The following PSTPIP1 variants were observed in gnomAD, a reference collection of about 807,000 sequenced individuals.
The protein encoded by PSTPIP1 is proline-serine-threonine phosphatase-interacting protein 1.
PSTPIP1 carries 66 observed loss-of-function variants against 69.6 expected under a neutral mutation model. The ratio of observed to expected loss-of-function variants is 0.95; its 90% CI spans 0.78 to 1.16. The LOEUF (loss-of-function observed/expected upper bound fraction) is 1.16, where lower values mean the gene tolerates loss of function less well. Ranked by LOEUF, PSTPIP1 falls within the 50% of genes most tolerant of loss-of-function variation. The probability of loss-of-function intolerance (pLI) is 0.00; values close to 1 mark genes in which losing one functional copy is unlikely to be tolerated. For synonymous variants in PSTPIP1, 266 were observed against 222.7 expected (o/e 1.19, Z -1.73); for missense variants, 603 against 557.4 (o/e 1.08, Z -0.82).
chr15:77,005,102 G>T (rs886645470), intron 1 of PSTPIP1, among the ~76,000 whole-genome samples: 7 of 152,122 alleles, frequency 4.6e-5, no homozygotes, highest in Non-Finnish European at 1.0e-4. Context: ...TACCATTGCT[G>T]GCCAAGCATG....
At position 77,031,035 on chromosome 15, in the gene PSTPIP1, G is replaced by A. The variant is rs542209542; in HGVS notation, c.643-145G>A. 198 of 748,996 alleles carry A rather than the reference G, an allele frequency of 2.6e-4. 4 individuals carry two copies. The East Asian group carries it at 5.4e-3, about 20-fold the overall frequency. 46.4% of individuals were successfully genotyped at this position (748,996 alleles called of 1,614,324 possible). A position where few individuals can be genotyped will look rare whatever the true frequency, so the allele number is the denominator to read the frequency against. The stretch of plus-strand genomic sequence containing the variant: ...AGGGCTGGCCCGGAGTCGGGATGGG[G>A]ACCCCAGGGCACTCTCTCCTTTGGA... On this transcript the variant is annotated intron_variant, in intron 9 of 14. Coordinates refer to ENST00000558012, the MANE Select transcript of PSTPIP1 (RefSeq NM_003978.5).
intron 1 of PSTPIP1, among the ~76,000 whole-genome samples, 154 bp downstream of exon 1, chr15:76,995,763 C>T (rs1020055845): frequency 6.6e-6 from 1 of 152,206 alleles, no homozygotes; most frequent in Admixed American, 6.5e-5. Context: ...GTGGCCCAGG[C>T]CCCCACCCCT....
In PSTPIP1 at chr15:77,009,584, C is replaced by T. The variant is rs1006108273; in HGVS notation, c.37-8564C>T. Among the ~76,000 whole-genome samples the T allele has an allele frequency of 6.6e-5, 10 of 152,210 alleles. No individual in the cohort carries two copies. The South Asian group carries it at 1.0e-3, about 16-fold the overall frequency. ...GTAAACGCCCCTTCCCTGGGCTCCTCTCAGTTAACATGCATGAATCCCCTC... is the reference window on the plus strand; with the variant it reads ...GTAAACGCCCCTTCCCTGGGCTCCTTTCAGTTAACATGCATGAATCCCCTC... On this transcript the variant is annotated intron_variant, in intron 1 of 14. Coordinates refer to ENST00000558012, the MANE Select transcript of PSTPIP1 (RefSeq NM_003978.5).
chr15:77,004,780 A>T (rs997527714), intron 1 of PSTPIP1, among the ~76,000 whole-genome samples: 1 of 152,022 alleles, frequency 6.6e-6, no homozygotes, highest in Non-Finnish European at 1.5e-5. Flanking sequence ...GGGTCACTTG[A>T]GCCCAGGAGT....
intron 11 of PSTPIP1, 98 bp downstream of exon 11, chr15:77,032,492 C>T: frequency 1.5e-6 from 2 of 1,295,770 alleles, no homozygotes; most frequent in Non-Finnish European, 2.2e-6. Flanking sequence ...GCTGGGGTAG[C>T]TCACAGCTCC....
chr15:77,023,919 CAGAGA>C (rs1568506437), intron 3 of PSTPIP1: 3 of 152,324 alleles, frequency 2.0e-5, no homozygotes, highest in African/African-American at 7.2e-5. Context: ...GGTGAGGAGT[CAGAGA>C]AGAGTCCTGA....
Position 77,013,361 on chromosome 15 carries a change from C to A in PSTPIP1, c.37-4787C>A, listed in dbSNP as rs185059685. 7.9e-5 allele frequency among the ~76,000 whole-genome samples: 12 copies of A among 152,288 alleles called. No individual in the cohort carries two copies. In the East Asian group the frequency reaches 2.1e-3, roughly 27 times the overall value. The stretch of plus-strand genomic sequence containing the variant: ...GAACAGGGTCAGTTTCCTCCCTTGC[C>A]ATGGGGTACCCACACTGCACTGCCA... On this transcript the variant is annotated intron_variant, in intron 1 of 14. Coordinates refer to ENST00000558012, the MANE Select transcript of PSTPIP1 (RefSeq NM_003978.5).
chr15:77,034,489 G>T (rs368186167), intron 12 of PSTPIP1, among the ~76,000 whole-genome samples: 1 of 151,432 alleles, frequency 6.6e-6, no homozygotes, highest in African/African-American at 2.4e-5. Flanking sequence ...GCCCCCCACA[G>T]GCCCCTGAGT....
chr15:77,014,088 A>G (rs1339555039), intron 1 of PSTPIP1, among the ~76,000 whole-genome samples: 1 of 152,152 alleles, frequency 6.6e-6, no homozygotes, highest in Non-Finnish European at 1.5e-5. Context: ...GGGGCTTTGC[A>G]GAGAGGCAAA....
chr15:77,029,723 T>A, intron 8 of PSTPIP1, 149 bp downstream of exon 8: 1 of 989,360 alleles, frequency 1.0e-6, no homozygotes, highest in Non-Finnish European at 1.5e-6. Flanking sequence ...GCCGTCAAAG[T>A]AAACGCTGTG....
At chr15:77,003,621 A>C (rs1171845591) in intron 1 of PSTPIP1, among the ~76,000 whole-genome samples, 2 of 150,680 alleles carry the variant, frequency 1.3e-5, no homozygotes, top group African/African-American at 2.4e-5. Flanking sequence ...TCACAATTGC[A>C]CTCCAGCCTG....
At position 77,001,329 on chromosome 15, in the gene PSTPIP1, A is replaced by AT. The variant is rs368153325; in HGVS notation, c.36+5721dup. Among the ~76,000 whole-genome samples, 438 of 152,270 alleles carry AT rather than the reference A, an allele frequency of 2.9e-3. 1 individual carries two copies. Among genetic ancestry groups the AT allele is most frequent in the Non-Finnish European group, 3.7e-3 (254 of 68,012 alleles). On this transcript the variant is annotated intron_variant, in intron 1 of 14. Coordinates refer to ENST00000558012, the MANE Select transcript of PSTPIP1 (RefSeq NM_003978.5). ...CATGGGTACTAGCAGTCACTTTGGG[A>AT]TCCCCCATAGTCCTCTGGTTGGGCA... is the stretch of plus-strand genomic sequence containing the variant.
chr15:77,034,849 C>T (rs1482562975), intron 12 of PSTPIP1, among the ~76,000 whole-genome samples: 3 of 152,258 alleles, frequency 2.0e-5, no homozygotes, highest in African/African-American at 7.2e-5. Context: ...TTTTATTTTC[C>T]TTTATTCAGT....
intron 1 of PSTPIP1, among the ~76,000 whole-genome samples, chr15:77,005,581 C>T (rs1286757880): frequency 6.6e-6 from 1 of 152,196 alleles, no homozygotes; most frequent in African/African-American, 2.4e-5. Context: ...TAAGAACATT[C>T]ACTATTTCCT....
Position 77,030,611 on chromosome 15 carries a change from C to G in PSTPIP1, c.642+30C>G, listed in dbSNP as rs2152687623. On this transcript the variant is annotated intron_variant, in intron 9 of 14. Coordinates refer to ENST00000558012, the MANE Select transcript of PSTPIP1 (RefSeq NM_003978.5). The stretch of plus-strand genomic sequence containing the variant: ...GTGGCCCACGTGGAGCCTCGTTTTC[C>G]CCAGCTGGGAAGTGTGAGACGCCCA... 1 of 1,573,298 alleles carries G rather than the reference C, an allele frequency of 6.4e-7. No homozygotes were observed. Among genetic ancestry groups the G allele is most frequent in the South Asian group, 1.1e-5 (1 of 87,866 alleles).
intron 12 of PSTPIP1, among the ~76,000 whole-genome samples, chr15:77,034,366 T>C (rs1219140523): frequency 6.6e-6 from 1 of 152,132 alleles, no homozygotes; most frequent in African/African-American, 2.4e-5. Context: ...GGCCCTCCCA[T>C]GTGCTGGGTC....
intron 1 of PSTPIP1, among the ~76,000 whole-genome samples, chr15:77,000,815 A>G (rs1391864930): frequency 6.6e-6 from 1 of 152,166 alleles, no homozygotes; most frequent in Non-Finnish European, 1.5e-5. Context: ...TGCTGGGATT[A>G]CAGGCGTGAG....
chr15:77,031,938 G>A (rs561981911), intron 10 of PSTPIP1, among the ~76,000 whole-genome samples: 1 of 152,266 alleles, frequency 6.6e-6, no homozygotes, highest in East Asian at 1.9e-4. Context: ...GCCTCCTTGA[G>A]GTAGAAGGGC....
chr15:77,003,423 G>A (rs573408926), intron 1 of PSTPIP1, among the ~76,000 whole-genome samples: 7 of 152,292 alleles, frequency 4.6e-5, no homozygotes, highest in African/African-American at 1.7e-4. Context: ...GGAGGCCGAG[G>A]CGGGTGGATC....
Sources: allele counts gnomAD v4.1 joint callset (sites outside exome capture counted in the v4.1 genomes callset), GRCh38; gene constraint gnomAD v4.1.1; transcripts MANE v1.5; gene names NCBI Gene and HGNC (gene_info 2026-07-23, HGNC 2026-07-21).